MTUS1: variants seen among roughly 807,000 people sequenced by gnomAD.
MTUS1 encodes the protein microtubule-associated tumor suppressor 1.
MTUS1 carries 109 observed loss-of-function variants against 120.8 expected under a neutral mutation model. The observed-to-expected ratio is 0.90, with a 90% CI of 0.77 to 1.06. The LOEUF is 1.06. Among genes scored for constraint, MTUS1 ranks in the 50% least tolerant of loss-of-function variants. The probability of loss-of-function intolerance (pLI) is 0.00; values close to 1 mark genes in which losing one functional copy is unlikely to be tolerated. For missense variants in MTUS1, 2,210 were observed against 1,486.3 expected, an observed-to-expected ratio of 1.49 and a Z score of -8.01; for synonymous variants, 737 against 550.5, an observed-to-expected ratio of 1.34 and a Z score of -4.74.
intron 2 of MTUS1, among the ~76,000 whole-genome samples, chr8:17,749,905 G>C (rs1019282868): frequency 2.6e-5 from 4 of 152,008 alleles, no homozygotes; most frequent in African/African-American, 9.7e-5. Flanking sequence ...ACTCATGTTT[G>C]GCTCAGAATA....
chr8:17,693,481 T>A (rs1369570882), intron 6 of MTUS1: 1 of 152,162 alleles, frequency 6.6e-6, no homozygotes, highest in Non-Finnish European at 1.5e-5. Context: ...ATGAGAAAGC[T>A]TATTCTGGCC....
intron 7 of MTUS1, among the ~76,000 whole-genome samples, chr8:17,675,825 A>G (rs1812991598): frequency 1.3e-5 from 2 of 152,210 alleles, no homozygotes; most frequent in South Asian, 4.1e-4. Flanking sequence ...AAGGATTATG[A>G]TATTTTGGAT....
At chr8:17,780,528 C>T (rs2050794688) in intron 1 of MTUS1, among the ~76,000 whole-genome samples, 1 of 152,146 alleles carries the variant, frequency 6.6e-6, no homozygotes, top group African/African-American at 2.4e-5. Context: ...CATGAATATA[C>T]CTCAAGCCAA....
At chr8:17,770,239 C>T (rs754253533) in intron 1 of MTUS1, among the ~76,000 whole-genome samples, 1 of 152,120 alleles carries the variant, frequency 6.6e-6, no homozygotes, top group Non-Finnish European at 1.5e-5. Flanking sequence ...ATCATCTTAG[C>T]ATTTTCAAAC....
At chr8:17,665,056 G>C (rs1236464552) in intron 8 of MTUS1, among the ~76,000 whole-genome samples, 1 of 152,186 alleles carries the variant, frequency 6.6e-6, no homozygotes, top group Non-Finnish European at 1.5e-5. Flanking sequence ...AAGTGAAACA[G>C]AGTTACTCTT....
chr8:17,647,310 G>T (rs1005488767), intron 13 of MTUS1: 2 of 436,226 alleles, frequency 4.6e-6, no homozygotes, highest in African/African-American at 4.1e-5. Context: ...ATATTGATAC[G>T]AGTGGGTAAC....
chr8:17,716,076 G>A (rs926537807), intron 4 of MTUS1, among the ~76,000 whole-genome samples, 175 bp from the exon 5 acceptor site: 21 of 152,194 alleles, frequency 1.4e-4, no homozygotes, highest in Non-Finnish European at 1.3e-4. Context: ...TCTCAGGGAT[G>A]CGAAATAAAG....
chr8:17,697,248 G>A (rs750524261), intron 6 of MTUS1: 67 of 1,611,178 alleles, frequency 4.2e-5, no homozygotes, highest in Non-Finnish European at 3.9e-5. Flanking sequence ...AGATCTATGC[G>A]AGACAGACCT....
chr8:17,677,454 A>G (rs575494413), intron 7 of MTUS1, among the ~76,000 whole-genome samples: 2 of 152,338 alleles, frequency 1.3e-5, no homozygotes, highest in South Asian at 4.1e-4. Flanking sequence ...AGAAAATTCA[A>G]TCATTTTTCA....
intron 6 of MTUS1, among the ~76,000 whole-genome samples, chr8:17,698,574 G>C (rs150215143): frequency 2.6e-5 from 4 of 152,250 alleles, no homozygotes; most frequent in Admixed American, 2.0e-4. Flanking sequence ...ATAAGACTCA[G>C]AAATAAATGC....
chr8:17,653,327 A>G, intron 11 of MTUS1, 46 bp from the exon 12 acceptor site: 1 of 1,489,090 alleles, frequency 6.7e-7, no homozygotes. Context: ...AGAAAACCCC[A>G]GAAACTCAGC....
chr8:17,777,159 G>A (rs1021281408), intron 1 of MTUS1, among the ~76,000 whole-genome samples: 5 of 152,054 alleles, frequency 3.3e-5, no homozygotes, highest in African/African-American at 4.8e-5. Context: ...GGCTATGGCC[G>A]GGCACTGTGG....
At chr8:17,651,890 C>T (rs1299663071) in intron 12 of MTUS1, 1 of 152,198 alleles carries the variant, frequency 6.6e-6, no homozygotes, top group African/African-American at 2.4e-5. Flanking sequence ...CATATCCCTG[C>T]ATGTAAGTCT....
chr8:17,796,701 T>C (rs76856351), intron 1 of MTUS1, among the ~76,000 whole-genome samples: 3,363 of 152,202 alleles, frequency 0.022, 124 homozygotes, highest in African/African-American at 0.074. Flanking sequence ...TCATGGAAAA[T>C]TGCCCCATAT....
rs369660389 is a variant in MTUS1, at chr8:17,754,141, G to A, written c.1667C>T (p.Thr556Ile). 20 of 1,613,640 alleles carry A rather than the reference G, an allele frequency of 1.2e-5. No homozygotes were observed. The African/African-American group carries it at 2.3e-4, about 18-fold the overall frequency. Residue 556 changes from threonine (T) to isoleucine (I), a missense_variant, in exon 2 of 15, where the codon ACA becomes ATA. Transcript: ENST00000693296. Reference sequence around the variant, plus strand: ...GTCTGCATTCAAGTCAGATCTCGGTGTTCTGCTCAAGACTGTTTGTTGTCT... The same window carrying A: ...GTCTGCATTCAAGTCAGATCTCGGTATTCTGCTCAAGACTGTTTGTTGTCT... ...NSRQQTVLSR[T>I]PRSDLNADKK...
intron 6 of MTUS1, among the ~76,000 whole-genome samples, chr8:17,699,282 G>C (rs569828815): frequency 6.6e-6 from 1 of 152,196 alleles, no homozygotes; most frequent in Non-Finnish European, 1.5e-5. Flanking sequence ...TAATGGCGCA[G>C]TCTCTGCTCA....
At chr8:17,680,370 A>G (rs1814118381) in intron 7 of MTUS1, among the ~76,000 whole-genome samples, 1 of 146,346 alleles carries the variant, frequency 6.8e-6, no homozygotes, top group Admixed American at 7.1e-5. Flanking sequence ...AGGCTGAGTC[A>G]GGAGAACTGG....
intron 2 of MTUS1, chr8:17,748,046 G>A (rs892214526): frequency 2.0e-5 from 3 of 152,116 alleles, no homozygotes; most frequent in African/African-American, 7.2e-5. Context: ...CACAACATGT[G>A]GGAACTCAAT....
At chr8:17,731,434 G>C (rs567737806) in intron 3 of MTUS1, among the ~76,000 whole-genome samples, 19 of 152,272 alleles carry the variant, frequency 1.2e-4, no homozygotes, top group Admixed American at 9.2e-4. Context: ...GCTTAGAACA[G>C]CATCTGGCAC....
Sources: allele counts gnomAD v4.1 joint callset (sites outside exome capture counted in the v4.1 genomes callset), GRCh38; gene constraint gnomAD v4.1.1; transcripts MANE v1.5; gene names NCBI Gene and HGNC (gene_info 2026-07-23, HGNC 2026-07-21).